Variants in PIK3R4 observed in about 807,000 individuals in gnomAD.
The protein encoded by PIK3R4 is phosphoinositide 3-kinase regulatory subunit 4.
Under a neutral mutation model 136.5 loss-of-function variants are expected in PIK3R4, and 46 were observed. That is an observed-to-expected ratio of 0.34 (90% confidence interval 0.27 to 0.43). The LOEUF is 0.43. Ranked by LOEUF, PIK3R4 falls within the 20% of genes least tolerant of loss-of-function variation. The probability of loss-of-function intolerance (pLI) is 1.00; values close to 1 mark genes in which losing one functional copy is unlikely to be tolerated. For synonymous variants in PIK3R4, 557 were observed against 566.7 expected (o/e 0.98, Z 0.24); for missense variants, 1,331 against 1,649.5 (o/e 0.81, Z 3.35).
chr3:130,729,721 G>T (rs1400270486), intron 5 of PIK3R4, among the ~76,000 whole-genome samples: 1 of 152,040 alleles, frequency 6.6e-6, no homozygotes, highest in Non-Finnish European at 1.5e-5. Flanking sequence ...TAAAAAACTA[G>T]ATTTCTCTAG....
intron 7 of PIK3R4, 53 bp from the exon 8 acceptor site, chr3:130,718,587 G>A (rs2066680486): frequency 3.2e-6 from 5 of 1,583,360 alleles, no homozygotes; most frequent in Non-Finnish European, 3.5e-6. Context: ...AAACTATCGG[G>A]ATAAACAAAT....
At chr3:130,710,652 T>G (rs2066628260) in intron 9 of PIK3R4, among the ~76,000 whole-genome samples, 1 of 152,134 alleles carries the variant, frequency 6.6e-6, no homozygotes, top group African/African-American at 2.4e-5. Flanking sequence ...ATGATACAAC[T>G]GTGAATGTAC....
intron 2 of PIK3R4, among the ~76,000 whole-genome samples, chr3:130,743,271 C>T (rs979211654): frequency 2.0e-5 from 3 of 150,924 alleles, no homozygotes; most frequent in Non-Finnish European, 3.0e-5. Flanking sequence ...AAAAAAAAGT[C>T]AACTGGGTGT....
rs1364837678 is a variant in PIK3R4 at position 130,735,181 on chromosome 3, TAA to T, written c.867+686_867+687del. On this transcript the variant is annotated intron_variant, in intron 3 of 19. Transcript: ENST00000356763. ...CTTATTTTTTAATATTTGACATACT[TAA>T]GAGAAATTAAAATGTATTACATATC... is the stretch of plus-strand genomic sequence containing the variant. Among the ~76,000 whole-genome samples the T allele has an allele frequency of 4.6e-5, 7 of 152,280 alleles. No individual in the cohort carries two copies. In the East Asian group the frequency reaches 1.2e-3, roughly 25 times the overall value.
chr3:130,722,682 A>G (rs964091887), intron 7 of PIK3R4, among the ~76,000 whole-genome samples: 4 of 152,066 alleles, frequency 2.6e-5, no homozygotes, highest in African/African-American at 9.7e-5. Context: ...CCAATTTTCA[A>G]CTTGACTGCT....
At position 130,687,657 on chromosome 3, in the gene PIK3R4, C is replaced by T. The variant is rs192734981; in HGVS notation, c.3264-1235G>A. ...AAACTTATTTATTCACTTATTTATACCACTATGGATTCACAGATATTTATT... is the reference window on the plus strand; with the variant it reads ...AAACTTATTTATTCACTTATTTATATCACTATGGATTCACAGATATTTATT... On this transcript the variant is annotated intron_variant, in intron 14 of 19. Transcript: ENST00000356763. 1.7e-3 allele frequency among the ~76,000 whole-genome samples: 257 copies of T among 152,242 alleles called. 1 individual carries two copies. The highest frequency in any genetic ancestry group is 3.4e-3 in the Middle Eastern group (1 of 294).
At chr3:130,696,803 G>C (rs1559821941) in intron 13 of PIK3R4, among the ~76,000 whole-genome samples, 1 of 152,070 alleles carries the variant, frequency 6.6e-6, no homozygotes, top group Non-Finnish European at 1.5e-5. Flanking sequence ...TTTCTTTGCT[G>C]ATCTTATGCT....
intron 9 of PIK3R4, among the ~76,000 whole-genome samples, chr3:130,715,499 C>T (rs1367762888): frequency 6.6e-6 from 1 of 152,084 alleles, no homozygotes; most frequent in Non-Finnish European, 1.5e-5. Context: ...ATTTGCATTT[C>T]TCTGATCATG....
intron 16 of PIK3R4, 96 bp from the exon 17 acceptor site, chr3:130,681,687 A>C: frequency 1.4e-6 from 1 of 693,240 alleles, no homozygotes; most frequent in East Asian, 2.6e-5. Flanking sequence ...AGAAAGAAAA[A>C]TTTCTTTCTT....
intron 2 of PIK3R4, among the ~76,000 whole-genome samples, chr3:130,738,788 A>C (rs1291736806): frequency 6.6e-6 from 1 of 152,182 alleles, no homozygotes; most frequent in African/African-American, 2.4e-5. Flanking sequence ...CTGGTGCACC[A>C]ATATAATTAA....
At chr3:130,688,146 C>T (rs2066498966) in intron 14 of PIK3R4, among the ~76,000 whole-genome samples, 1 of 152,176 alleles carries the variant, frequency 6.6e-6, no homozygotes, top group South Asian at 2.1e-4. Context: ...CTATCTAGCA[C>T]CAGAGTTCAT....
intron 9 of PIK3R4, among the ~76,000 whole-genome samples, chr3:130,714,951 G>C (rs1308039673): frequency 6.6e-6 from 1 of 151,940 alleles, no homozygotes; most frequent in Non-Finnish European, 1.5e-5. Context: ...ATATTCCTTT[G>C]GGTATATGTC....
intron 4 of PIK3R4, among the ~76,000 whole-genome samples, chr3:130,731,643 G>A (rs2066760847): frequency 6.6e-6 from 1 of 152,050 alleles, no homozygotes. Flanking sequence ...GTAGATCTAT[G>A]CTTATTTCCC....
At position 130,733,851 on chromosome 3, in the gene PIK3R4, T is replaced by C; in HGVS notation, c.1147A>G (p.Thr383Ala). Residue 383 changes from threonine to alanine, a missense_variant, in exon 4 of 20, where the codon ACA (threonine) becomes GCA (alanine). Physicochemically the swap from Thr to Ala is moderately conservative, Grantham distance 58. Around this residue, in one of 2 missense-constraint regions of PIK3R4, gnomAD observed 1,180 missense variants for 1,407.0 expected, o/e 0.84. Transcript: ENST00000356763. ...NGLVILVSVI[T>A]SCLQTLKYCD... ...TATTTAAGGGTCTGTAGGCAGGATG[T>C]TATAACAGATACCAAGATAACCAGC... The C allele has an allele frequency of 2.5e-6, 4 of 1,614,180 alleles. No homozygotes were observed. Among genetic ancestry groups the C allele is most frequent in the Non-Finnish European group, 3.4e-6 (4 of 1,180,020 alleles).
At chr3:130,726,517 G>GT (rs1222059177) in intron 6 of PIK3R4, among the ~76,000 whole-genome samples, 1 of 152,052 alleles carries the variant, frequency 6.6e-6, no homozygotes, top group African/African-American at 2.4e-5. Context: ...GAACCCAACA[G>GT]TATAGCTCCA....
At chr3:130,686,172 G>T in intron 15 of PIK3R4, 39 bp downstream of exon 15, 1 of 1,238,484 alleles carries the variant, frequency 8.1e-7, no homozygotes, top group Non-Finnish European at 1.2e-6. Flanking sequence ...GGCATTAGTG[G>T]CATTCAAAAC....
intron 13 of PIK3R4, among the ~76,000 whole-genome samples, chr3:130,694,863 T>C (rs944834476): frequency 3.3e-5 from 5 of 152,102 alleles, no homozygotes; most frequent in Admixed American, 1.3e-4. Context: ...ACTCTTCATC[T>C]TAGGGGGAAA....
At chr3:130,728,355 A>G in intron 6 of PIK3R4, 108 bp downstream of exon 6, 1 of 678,054 alleles carries the variant, frequency 1.5e-6, no homozygotes, top group Non-Finnish European at 2.4e-6. Context: ...CTAGGAATTC[A>G]TTTCATTATT....
Position 130,705,564 on chromosome 3 carries a change from G to T in PIK3R4, c.2929C>A (p.Pro977Thr), listed in dbSNP as rs767821282. 1.9e-6 allele frequency: 3 copies of T among 1,601,906 alleles called. No homozygotes were observed. Among genetic ancestry groups the T allele is most frequent in the Middle Eastern group, 3.3e-4 (2 of 6,038 alleles). The change falls in exon 12 of 20, where the codon CCT (proline) becomes ACT (threonine). Residue 977 changes from proline to threonine, a missense_variant. By Grantham distance (38) the Pro-to-Thr change is conservative. Coordinates refer to ENST00000356763, the MANE Select transcript of PIK3R4 (RefSeq NM_014602.3). Reference protein sequence around the residue: ...NAEWESKPPPPGWRPKGLLVA... With the variant: ...NAEWESKPPPTGWRPKGLLVA... ...TACTTATCAACGGAACTTTTACCAG[G>T]TGGTGGTGGTTTACTCTCCCATTCA...
Sources: gnomAD v4.1 joint callset for allele counts (sites outside exome capture counted in the v4.1 genomes callset) on GRCh38, gnomAD v4.1.1 for gene constraint, gnomAD v4.1.1 regional missense constraint, MANE v1.5 for transcripts, NCBI Gene and HGNC (gene_info 2026-07-23, HGNC 2026-07-21) for gene names.